The following ERP44 variants were observed in gnomAD, a reference collection of about 807,000 sequenced individuals.
ERP44 encodes endoplasmic reticulum protein 44, also known as endoplasmic reticulum resident protein 44.
Under a neutral mutation model 53.4 loss-of-function variants are expected in ERP44, and 25 were observed. The ratio of observed to expected loss-of-function variants is 0.47; its 90% CI spans 0.34 to 0.65. The LOEUF is 0.65. Ranked by LOEUF, ERP44 falls within the 30% of genes least tolerant of loss-of-function variation. The pLI is 0.01. For missense variants in ERP44, 338 were observed against 493.2 expected (o/e 0.69, Z 2.98); for synonymous variants, 145 against 161.2 (o/e 0.90, Z 0.76).
intron 1 of ERP44, 135 bp from the exon 2 acceptor site, chr9:100,060,307 A>G (rs1826131468): frequency 1.0e-6 from 1 of 981,856 alleles, no homozygotes. Flanking sequence ...AATCTTTATT[A>G]TCTAGTCTAA....
intron 1 of ERP44, among the ~76,000 whole-genome samples, chr9:100,067,926 C>T (rs2900234): frequency 0.45 from 66,848 of 147,700 alleles, 15,993 homozygotes; most frequent in East Asian, 0.89. Flanking sequence ...GGCAACCACC[C>T]CGTCTGGGAA....
intron 10 of ERP44, among the ~76,000 whole-genome samples, chr9:100,005,892 A>T (rs1587960149): frequency 6.6e-6 from 1 of 152,252 alleles, no homozygotes; most frequent in Non-Finnish European, 1.5e-5. Flanking sequence ...CTACATTTTT[A>T]ACCACTGTAT....
chr9:99,996,987 GT>G (rs1830317547), intron 10 of ERP44, among the ~76,000 whole-genome samples: 1 of 104,548 alleles, frequency 9.6e-6, no homozygotes, highest in Admixed American at 1.2e-4. Context: ...GTATGTATAT[GT>G]GTGTGTATAT....
intron 9 of ERP44, 99 bp downstream of exon 9, chr9:100,007,479 T>C: frequency 1.4e-6 from 1 of 694,022 alleles, no homozygotes; most frequent in Non-Finnish European, 2.6e-6. Flanking sequence ...AACCCAAATA[T>C]GTTTATGTGA....
chr9:100,044,805 A>C (rs1825949870), intron 4 of ERP44, among the ~76,000 whole-genome samples: 1 of 152,156 alleles, frequency 6.6e-6, no homozygotes, highest in African/African-American at 2.4e-5. Flanking sequence ...AGTTTCTAAA[A>C]ATTTGTAAAA....
intron 1 of ERP44, among the ~76,000 whole-genome samples, chr9:100,070,074 C>T (rs755824362): frequency 2.6e-5 from 4 of 152,148 alleles, no homozygotes; most frequent in Non-Finnish European, 5.9e-5. Context: ...TCTTCTAAAA[C>T]TCAAACTTCT....
At chr9:100,051,043 G>A (rs936085880) in intron 4 of ERP44, among the ~76,000 whole-genome samples, 12 of 152,254 alleles carry the variant, frequency 7.9e-5, no homozygotes, top group South Asian at 2.1e-4. Context: ...GCGAAAGGTC[G>A]GAGAAAAGAT....
At chr9:100,048,336 A>T (rs180670724) in intron 4 of ERP44, among the ~76,000 whole-genome samples, 104 of 152,086 alleles carry the variant, frequency 6.8e-4, no homozygotes, top group African/African-American at 1.9e-3. Flanking sequence ...AATAAAATTT[A>T]AAAAAAATAA....
chr9:100,030,440 TAG>T (rs547345844), intron 4 of ERP44, among the ~76,000 whole-genome samples: 48 of 152,226 alleles, frequency 3.2e-4, no homozygotes, highest in Middle Eastern at 3.4e-3. Context: ...TGAGGGGAGT[TAG>T]AGTGTCTCCT....
At chr9:100,005,995 C>T (rs971448919) in intron 10 of ERP44, among the ~76,000 whole-genome samples, 3 of 152,150 alleles carry the variant, frequency 2.0e-5, no homozygotes, top group African/African-American at 7.2e-5. Context: ...AGAATTGAGT[C>T]AGAAAGCTTA....
Position 100,063,411 on chromosome 9 carries a change from G to A in ERP44, c.58-3239C>T, listed in dbSNP as rs530150372. On this transcript the variant is annotated intron_variant, in intron 1 of 11. Transcript: ENST00000262455. ...TAATATGCAGTATGAAGGGAAAGACGGGTTGTTTATTTGAACTGTTAGTAA... is the reference window on the plus strand; with the variant it reads ...TAATATGCAGTATGAAGGGAAAGACAGGTTGTTTATTTGAACTGTTAGTAA... Among the ~76,000 whole-genome samples, 3 of 152,156 alleles carry A rather than the reference G, an allele frequency of 2.0e-5. No individual in the cohort carries two copies. In the South Asian group the frequency reaches 6.2e-4, roughly 32 times the overall value.
intron 11 of ERP44, 79 bp from the exon 12 acceptor site, chr9:99,982,792 A>G: frequency 1.4e-6 from 1 of 721,708 alleles, no homozygotes; most frequent in Non-Finnish European, 2.1e-6. Context: ...TATTCGATGA[A>G]TAGTAGTTCC....
At chr9:100,001,308 T>A (rs1022529113) in intron 10 of ERP44, among the ~76,000 whole-genome samples, 1 of 152,178 alleles carries the variant, frequency 6.6e-6, no homozygotes, top group Non-Finnish European at 1.5e-5. Flanking sequence ...GAGAAGAATG[T>A]GTATCTTGCT....
chr9:100,020,608 A>G lies in ERP44; in HGVS notation c.587+8T>C, dbSNP rs755835966. 4.7e-6 allele frequency: 7 copies of G among 1,480,164 alleles called. No homozygotes were observed. In the Admixed American group the frequency reaches 1.2e-4, roughly 25 times the overall value. 91.7% of individuals were successfully genotyped at this position (1,480,164 alleles called of 1,614,324 possible). Reference sequence around the variant, plus strand: ...ACCCACTAACACACTTTTAAATAAGATACTTACCCAAATGCAGAAAGAAAG... The same window carrying G: ...ACCCACTAACACACTTTTAAATAAGGTACTTACCCAAATGCAGAAAGAAAG... On this transcript the variant is annotated splice_region_variant and intron_variant, in intron 6 of 11. Coordinates refer to ENST00000262455, the MANE Select transcript of ERP44 (RefSeq NM_015051.3).
At chr9:100,063,030 T>C (rs1826169508) in intron 1 of ERP44, among the ~76,000 whole-genome samples, 1 of 124,484 alleles carries the variant, frequency 8.0e-6, no homozygotes, top group Admixed American at 1.0e-4. Context: ...GCTATGATTG[T>C]GCCACTGCAC....
rs564870317 is a variant in ERP44 at position 100,093,647 on chromosome 9, G to C, written c.57+5137C>G. Among the ~76,000 whole-genome samples, 9 of 151,752 alleles carry C rather than the reference G, an allele frequency of 5.9e-5. No homozygotes were observed. The South Asian group carries it at 6.3e-4, about 11-fold the overall frequency. On this transcript the variant is annotated intron_variant, in intron 1 of 11. Coordinates refer to ENST00000262455, the MANE Select transcript of ERP44 (RefSeq NM_015051.3). ...TACACAGCAAGACCCTGTCTGTGGGGGGGGAAAAAAAAAGAACTGTGTGTG... is the reference window on the plus strand; with the variant it reads ...TACACAGCAAGACCCTGTCTGTGGGCGGGGAAAAAAAAAGAACTGTGTGTG...
chr9:100,073,274 T>A (rs550515844), intron 1 of ERP44, among the ~76,000 whole-genome samples: 37 of 152,284 alleles, frequency 2.4e-4, no homozygotes, highest in Admixed American at 9.2e-4. Flanking sequence ...AAGTTTTTTT[T>A]AAAAAAACTA....
intron 1 of ERP44, among the ~76,000 whole-genome samples, chr9:100,079,422 AC>A (rs1826396325): frequency 1.0e-5 from 1 of 96,614 alleles, no homozygotes; most frequent in Admixed American, 8.7e-5. Context: ...TTACACACAC[AC>A]ACACACACAC....
At chr9:100,001,967 T>C (rs1830382445) in intron 10 of ERP44, among the ~76,000 whole-genome samples, 1 of 152,136 alleles carries the variant, frequency 6.6e-6, no homozygotes, top group Non-Finnish European at 1.5e-5. Flanking sequence ...TTAATTTTTA[T>C]CTTTCGTGTA....
Sources: gnomAD v4.1 joint callset for allele counts (sites outside exome capture counted in the v4.1 genomes callset) on GRCh38, gnomAD v4.1.1 for gene constraint, MANE v1.5 for transcripts, NCBI Gene and HGNC (gene_info 2026-07-23, HGNC 2026-07-21) for gene names.